XRCC4: variants seen among roughly 807,000 people sequenced by gnomAD.
XRCC4 encodes the protein X-ray repair cross complementing 4, also known as DNA repair protein XRCC4.
Under a neutral mutation model 39.1 loss-of-function variants are expected in XRCC4, and 28 were observed. The observed-to-expected ratio is 0.72, with a 90% confidence interval of 0.53 to 0.98. XRCC4 has a LOEUF of 0.98. Among genes scored for constraint, XRCC4 ranks in the 50% least tolerant of loss-of-function variants. The pLI, the probability that XRCC4 is intolerant of heterozygous loss-of-function variation, is 0.00. For missense variants in XRCC4, 350 were observed against 376.4 expected (o/e 0.93, Z 0.58); for synonymous variants, 123 against 126.4 (o/e 0.97, Z 0.18).
chr5:83,104,635 C>T, intron 1 of XRCC4, among the ~76,000 whole-genome samples: 1 of 152,058 alleles, frequency 6.6e-6, no homozygotes. Flanking sequence ...TAATTTTTAT[C>T]TTCATTACTT....
At chr5:83,186,181 G>GGAAGATTCTAGAATGATTATATCCT (rs1750430149) in intron 3 of XRCC4, among the ~76,000 whole-genome samples, 1 of 152,062 alleles carries the variant, frequency 6.6e-6, no homozygotes, top group Non-Finnish European at 1.5e-5. Context: ...AGGACTGTTG[G>GGAAGATTCTAGAATGATTATATCCT]GAAGATTCTA....
chr5:83,234,100 T>G (rs1459301937), intron 6 of XRCC4, among the ~76,000 whole-genome samples: 2 of 152,094 alleles, frequency 1.3e-5, no homozygotes, highest in African/African-American at 2.4e-5. Flanking sequence ...GAAAATTAGG[T>G]AATCTGCAAA....
chr5:83,366,937 C>T, the XRCC4 span, among the ~76,000 whole-genome samples: 1 of 152,154 alleles, frequency 6.6e-6, no homozygotes, highest in Non-Finnish European at 1.5e-5. Flanking sequence ...TTCCACACCA[C>T]CTATTAGACC....
chr5:83,208,211 G>C (rs1751493102), intron 6 of XRCC4, among the ~76,000 whole-genome samples: 3 of 151,984 alleles, frequency 2.0e-5, no homozygotes, highest in Admixed American at 2.0e-4. Flanking sequence ...ATGTTAATCT[G>C]AATCTGAGTA....
At chr5:83,166,464 T>G (rs559254624) in intron 3 of XRCC4, among the ~76,000 whole-genome samples, 57 of 151,688 alleles carry the variant, frequency 3.8e-4, no homozygotes, top group East Asian at 2.1e-3. Context: ...CTGTTTGTTT[T>G]TTTTTTTTTC....
intron 3 of XRCC4, among the ~76,000 whole-genome samples, chr5:83,177,073 C>A (rs115964990): frequency 1.3e-5 from 2 of 151,888 alleles, no homozygotes; most frequent in South Asian, 2.1e-4. Context: ...AGCAAATTAC[C>A]CCCTTATCAA....
rs1309170596 is a variant in XRCC4 at position 83,114,513 on chromosome 5, G to A, written c.315+3310G>A. ...AAAATGCCCCCAGTCTCTTTGCATA[G>A]CAAGAGTGACCTTTAGTTCCCAACA... On this transcript the variant is annotated intron_variant, in intron 3 of 7. Coordinates refer to ENST00000396027, the MANE Select transcript of XRCC4 (RefSeq NM_003401.5). 2.0e-5 allele frequency among the ~76,000 whole-genome samples: 3 copies of A among 152,196 alleles called. No homozygotes were observed. In the East Asian group the frequency reaches 5.8e-4, roughly 29 times the overall value.
At chr5:83,154,003 C>T (rs930497866) in intron 3 of XRCC4, among the ~76,000 whole-genome samples, 4 of 152,122 alleles carry the variant, frequency 2.6e-5, no homozygotes, top group Non-Finnish European at 4.4e-5. Context: ...GTGCTGTGCA[C>T]TCTGGAGAAA....
chr5:83,256,308 A>C (rs866587387), intron 6 of XRCC4, among the ~76,000 whole-genome samples: 5 of 152,242 alleles, frequency 3.3e-5, no homozygotes, highest in Non-Finnish European at 7.3e-5. Context: ...ATTATAATAC[A>C]TGAGGTAATC....
intron 3 of XRCC4, among the ~76,000 whole-genome samples, chr5:83,157,328 C>T (rs1253143400): frequency 3.3e-5 from 5 of 152,032 alleles, no homozygotes; most frequent in Admixed American, 6.6e-5. Context: ...TGCCTATTGT[C>T]GGATGCCTGA....
chr5:83,131,397 C>T (rs1373559729), intron 3 of XRCC4, among the ~76,000 whole-genome samples: 1 of 152,072 alleles, frequency 6.6e-6, no homozygotes, highest in Non-Finnish European at 1.5e-5. Context: ...ATTAGGTCTG[C>T]TTGGTGCAGA....
At chr5:83,339,143 AG>A (rs1756681455) in intron 7 of XRCC4, among the ~76,000 whole-genome samples, 1 of 152,160 alleles carries the variant, frequency 6.6e-6, no homozygotes, top group Non-Finnish European at 1.5e-5. Flanking sequence ...TTTACTTTAC[AG>A]TTTGGTTATA....
intron 3 of XRCC4, among the ~76,000 whole-genome samples, chr5:83,117,119 C>G (rs552723246): frequency 6.6e-6 from 1 of 152,104 alleles, no homozygotes; most frequent in Non-Finnish European, 1.5e-5. Context: ...ACTTCATTCT[C>G]ATTTGAATAA....
In XRCC4 at chr5:83,241,006, C is replaced by T. The variant is rs1242432460; in HGVS notation, c.746-17524C>T. Among the ~76,000 whole-genome samples, 6 of 152,144 alleles carry T rather than the reference C, an allele frequency of 3.9e-5. No individual in the cohort carries two copies. In the East Asian group the frequency reaches 7.7e-4, roughly 20 times the overall value. ...ATCCCAGCACTTTGTGAGGCCGAGA[C>T]GGGCGGATCAGTTGAGGTCAGGAGT... On this transcript the variant is annotated intron_variant, in intron 6 of 7. Coordinates refer to ENST00000396027, the MANE Select transcript of XRCC4 (RefSeq NM_003401.5).
chr5:83,094,829 G>T (rs1241471758), intron 1 of XRCC4, among the ~76,000 whole-genome samples: 2 of 151,028 alleles, frequency 1.3e-5, no homozygotes, highest in Non-Finnish European at 2.9e-5. Context: ...GGAACTACAG[G>T]TGTGAGCCAC....
intron 4 of XRCC4, among the ~76,000 whole-genome samples, chr5:83,203,143 A>G (rs999878283): frequency 6.6e-6 from 1 of 152,064 alleles, no homozygotes; most frequent in Non-Finnish European, 1.5e-5. Context: ...CAAATTAGCT[A>G]TGTTGCCTTA....
chr5:83,186,056 G>A (rs1316568681), intron 3 of XRCC4, among the ~76,000 whole-genome samples: 1 of 152,008 alleles, frequency 6.6e-6, no homozygotes, highest in East Asian at 1.9e-4. Context: ...TTATGCTTGG[G>A]GTGGGGAAAG....
chr5:83,146,020 A>C (rs1287159251), intron 3 of XRCC4, among the ~76,000 whole-genome samples: 3 of 152,062 alleles, frequency 2.0e-5, no homozygotes, highest in African/African-American at 7.2e-5. Context: ...CTATATTTCA[A>C]CAAAAGTATG....
intron 7 of XRCC4, among the ~76,000 whole-genome samples, chr5:83,272,407 A>G (rs113685695): frequency 6.6e-6 from 1 of 151,830 alleles, no homozygotes; most frequent in Non-Finnish European, 1.5e-5. Flanking sequence ...ACACCTTTTT[A>G]TTATTATTAT....
Sources: gnomAD v4.1 joint callset for allele counts (sites outside exome capture counted in the v4.1 genomes callset) on GRCh38, gnomAD v4.1.1 for gene constraint, MANE v1.5 for transcripts, NCBI Gene and HGNC (gene_info 2026-07-23, HGNC 2026-07-21) for gene names.